Variants in ZFPM2 observed in about 807,000 individuals in gnomAD.
ZFPM2 encodes the protein zinc finger protein ZFPM2.
In ZFPM2, 20 loss-of-function variants were observed where a neutral mutation model predicts 98.6. The ratio of observed to expected loss-of-function variants is 0.20; its 90% CI spans 0.14 to 0.29. The LOEUF (loss-of-function observed/expected upper bound fraction) is 0.29. Among genes scored for constraint, ZFPM2 ranks in the 10% least tolerant of loss-of-function variants. The pLI, the probability that ZFPM2 is intolerant of heterozygous loss-of-function variation, is 1.00. For synonymous variants in ZFPM2, 518 were observed against 502.7 expected (o/e 1.03, Z -0.41); for missense variants, 1,310 against 1,388.6 (o/e 0.94, Z 0.90).
In ZFPM2 at chr8:105,708,682, G is replaced by A. The variant is rs528818504; in HGVS notation, c.532+74325G>A. On this transcript the variant is annotated intron_variant, in intron 5 of 7. Transcript: ENST00000407775. Reference sequence around the variant, plus strand: ...TGGTTTTTAACTCCTGGGCTCAAGCGGTCCACCCGCCTCGGCCTTCCATAG... The same window carrying A: ...TGGTTTTTAACTCCTGGGCTCAAGCAGTCCACCCGCCTCGGCCTTCCATAG... 4.6e-5 allele frequency among the ~76,000 whole-genome samples: 7 copies of A among 152,196 alleles called. No homozygotes were observed. The South Asian group carries it at 6.2e-4, about 14-fold the overall frequency.
At chr8:105,619,894 G>A (rs575018067) in intron 4 of ZFPM2, among the ~76,000 whole-genome samples, 2 of 152,092 alleles carry the variant, frequency 1.3e-5, no homozygotes, top group Non-Finnish European at 2.9e-5. Context: ...GTATTCCATG[G>A]TGTATATGTG....
At chr8:105,417,894 T>G (rs1256193413) in intron 1 of ZFPM2, among the ~76,000 whole-genome samples, 2 of 152,116 alleles carry the variant, frequency 1.3e-5, no homozygotes, top group Admixed American at 6.6e-5. Flanking sequence ...TAAAACACAT[T>G]TTTTTAAAGG....
chr8:105,698,475 AT>A (rs1329928579), intron 5 of ZFPM2, among the ~76,000 whole-genome samples: 1 of 152,248 alleles, frequency 6.6e-6, no homozygotes, highest in Admixed American at 6.5e-5. Context: ...AATAATAAAA[AT>A]GTTCTCGTTA....
chr8:105,671,060 T>C (rs1817584744), intron 5 of ZFPM2, among the ~76,000 whole-genome samples: 1 of 152,156 alleles, frequency 6.6e-6, no homozygotes, highest in Admixed American at 6.5e-5. Context: ...TAAGTGTTTT[T>C]ATGAAAGATT....
At chr8:105,516,841 A>G (rs1813933154) in intron 3 of ZFPM2, among the ~76,000 whole-genome samples, 3 of 152,220 alleles carry the variant, frequency 2.0e-5, no homozygotes. Flanking sequence ...ACACAAGCCT[A>G]TAAAATAGGC....
Position 105,652,269 on chromosome 8 carries a change from C to T in ZFPM2, c.532+17912C>T, listed in dbSNP as rs556184111. Among the ~76,000 whole-genome samples, 4 of 147,174 alleles carry T rather than the reference C, an allele frequency of 2.7e-5. 1 individual carries two copies. In the South Asian group the frequency reaches 8.5e-4, roughly 31 times the overall value. On this transcript the variant is annotated intron_variant, in intron 5 of 7. Transcript: ENST00000407775. The stretch of plus-strand genomic sequence containing the variant: ...AAATTGGAGGCTTTTCATTTTACCA[C>T]TGATGTAGAAGTCAAGCCCATTTTT...
rs1812208683 is a variant in ZFPM2, at chr8:105,330,611, C to CGT, written c.40+11630_40+11631insGT. On this transcript the variant is annotated intron_variant, in intron 1 of 7. Coordinates refer to ENST00000407775, the MANE Select transcript of ZFPM2 (RefSeq NM_012082.4). ...ATATATATACATATATATATATATA[C>CGT]ACATATATATATATATATATACATA... 7.9e-5 allele frequency among the ~76,000 whole-genome samples: 6 copies of CGT among 76,162 alleles called. No individual in the cohort carries two copies. In the East Asian group the frequency reaches 1.5e-3, roughly 18 times the overall value. The allele number at this position is 76,162 out of a possible 152,430, so 50.0% of individuals were successfully genotyped here.
intron 1 of ZFPM2, among the ~76,000 whole-genome samples, chr8:105,337,610 A>G (rs1229792496): frequency 6.6e-6 from 1 of 151,804 alleles, no homozygotes; most frequent in Non-Finnish European, 1.5e-5. Flanking sequence ...CAATAACTGA[A>G]TATCATGTCA....
At chr8:105,617,020 G>GGAAAA (rs1816431048) in intron 4 of ZFPM2, among the ~76,000 whole-genome samples, 1 of 28,120 alleles carries the variant, frequency 3.6e-5, no homozygotes, top group Non-Finnish European at 5.8e-5. Context: ...ACTCTGTCTC[G>GGAAAA]AAAAAAAAAA....
chr8:105,679,046 C>A lies in ZFPM2; in HGVS notation c.532+44689C>A, dbSNP rs1810538731. The A allele has an allele frequency of 2.0e-5, 3 of 152,222 alleles. No individual in the cohort carries two copies. In the South Asian group the frequency reaches 6.2e-4, roughly 32 times the overall value. 9.4% of individuals were successfully genotyped at this position (152,222 alleles called of 1,614,324 possible). A position where few individuals can be genotyped will look rare whatever the true frequency, so the allele number is the denominator to read the frequency against. On this transcript the variant is annotated intron_variant, in intron 5 of 7. Coordinates refer to ENST00000407775, the MANE Select transcript of ZFPM2 (RefSeq NM_012082.4). ...CTCTTTCTTGACCTTTAGTGTTTTTCTCTGTAAAATGGGTTATCTTTTCTC... is the reference window on the plus strand; with the variant it reads ...CTCTTTCTTGACCTTTAGTGTTTTTATCTGTAAAATGGGTTATCTTTTCTC...
chr8:105,392,005 G>A (rs1241328875), intron 1 of ZFPM2, among the ~76,000 whole-genome samples: 5 of 152,196 alleles, frequency 3.3e-5, no homozygotes, highest in Non-Finnish European at 7.3e-5. Context: ...GTCTGTGGCA[G>A]CTGTAGCCGT....
At chr8:105,628,209 G>A (rs568680498) in intron 4 of ZFPM2, among the ~76,000 whole-genome samples, 1 of 152,110 alleles carries the variant, frequency 6.6e-6, no homozygotes, top group Non-Finnish European at 1.5e-5. Flanking sequence ...CCAGTGGCAT[G>A]TGTCAGGATT....
intron 6 of ZFPM2, among the ~76,000 whole-genome samples, chr8:105,793,116 G>T (rs1273840203): frequency 6.6e-6 from 1 of 151,918 alleles, no homozygotes; most frequent in African/African-American, 2.4e-5. Flanking sequence ...GTGTGAATTT[G>T]AACCTGTCAT....
chr8:105,324,891 A>C (rs1052365971), intron 1 of ZFPM2, among the ~76,000 whole-genome samples: 1 of 151,934 alleles, frequency 6.6e-6, no homozygotes, highest in African/African-American at 2.4e-5. Context: ...TGTGTGAAGA[A>C]TATAACATTA....
At chr8:105,387,517 C>A (rs1320412327) in intron 1 of ZFPM2, 1 of 153,614 alleles carries the variant, frequency 6.5e-6, no homozygotes, top group Admixed American at 6.5e-5. Flanking sequence ...GGCACAGCAG[C>A]TGCTGGCCCA....
chr8:105,771,892 CCTTT>C (rs956442678), intron 5 of ZFPM2, among the ~76,000 whole-genome samples: 4 of 152,084 alleles, frequency 2.6e-5, no homozygotes, highest in African/African-American at 9.7e-5. Flanking sequence ...TTTTTAACTT[CCTTT>C]GTTTTACTAA....
chr8:105,439,766 A>C (rs2130185387), intron 2 of ZFPM2, among the ~76,000 whole-genome samples: 1 of 152,308 alleles, frequency 6.6e-6, no homozygotes, highest in East Asian at 1.9e-4. Flanking sequence ...GAAGGAGTGG[A>C]TATTATTTAA....
intron 5 of ZFPM2, among the ~76,000 whole-genome samples, chr8:105,755,225 G>A (rs1005419924): frequency 1.7e-4 from 26 of 152,108 alleles, no homozygotes; most frequent in South Asian, 2.1e-4. Flanking sequence ...ATTTTCCAAC[G>A]CAAGTTTTGT....
At chr8:105,557,126 A>G (rs763587432) in intron 3 of ZFPM2, among the ~76,000 whole-genome samples, 3 of 152,048 alleles carry the variant, frequency 2.0e-5, no homozygotes, top group Non-Finnish European at 4.4e-5. Flanking sequence ...ACTATATCCA[A>G]TTTCTTTTCT....
Sources: allele counts gnomAD v4.1 joint callset (sites outside exome capture counted in the v4.1 genomes callset), GRCh38; gene constraint gnomAD v4.1.1; transcripts MANE v1.5; gene names NCBI Gene and HGNC (gene_info 2026-07-23, HGNC 2026-07-21).